Variants in SIK3 observed in about 807,000 individuals in gnomAD.
SIK3 encodes the protein SIK family kinase 3.
Under a neutral mutation model 144.2 loss-of-function variants are expected in SIK3, and 28 were observed. The ratio of observed to expected loss-of-function variants is 0.19; its 90% CI spans 0.14 to 0.27. The LOEUF (loss-of-function observed/expected upper bound fraction) is 0.27. SIK3 is among the 10% of genes least tolerant of loss of function. The probability of loss-of-function intolerance (pLI) is 1.00; values close to 1 mark genes in which losing one functional copy is unlikely to be tolerated. For missense variants in SIK3, 1,319 were observed against 1,776.0 expected, an observed-to-expected ratio of 0.74 and a Z score of 4.62; for synonymous variants, 686 against 676.3, an observed-to-expected ratio of 1.01 and a Z score of -0.22.
At chr11:116,947,158 T>TCA (rs1491488934) in intron 3 of SIK3, among the ~76,000 whole-genome samples, 1 of 135,486 alleles carries the variant, frequency 7.4e-6, no homozygotes, top group Non-Finnish European at 1.5e-5. Context: ...ATATAATATA[T>TCA]TATATATAAA....
chr11:117,024,317 T>TAA (rs201592688), intron 1 of SIK3, among the ~76,000 whole-genome samples: 1 of 132,122 alleles, frequency 7.6e-6, no homozygotes. Flanking sequence ...ACACAGTCTT[T>TAA]AAAAAAAAAA....
chr11:116,875,624 G>A (rs934745759), intron 9 of SIK3, 173 bp from the exon 10 acceptor site: 28 of 794,000 alleles, frequency 3.5e-5, no homozygotes, highest in Middle Eastern at 3.7e-4. Flanking sequence ...GGATAGCATC[G>A]CCTCATGATT....
chr11:116,948,894 A>C (rs1365808546), intron 3 of SIK3, among the ~76,000 whole-genome samples: 1 of 152,148 alleles, frequency 6.6e-6, no homozygotes, highest in East Asian at 1.9e-4. Flanking sequence ...GAAATTATGA[A>C]ATAGAGGATA....
intron 6 of SIK3, among the ~76,000 whole-genome samples, chr11:116,885,717 T>C (rs184561138): frequency 6.6e-6 from 1 of 152,258 alleles, no homozygotes; most frequent in Non-Finnish European, 1.5e-5. Context: ...TAACTTACTA[T>C]GTATTTATTG....
At chr11:116,932,775 C>T (rs1947686726) in intron 3 of SIK3, among the ~76,000 whole-genome samples, 1 of 152,088 alleles carries the variant, frequency 6.6e-6, no homozygotes, top group Non-Finnish European at 1.5e-5. Flanking sequence ...CAGTCGGCGA[C>T]CTTTTGAGAT....
chr11:116,915,367 A>G (rs1946578889), intron 4 of SIK3, among the ~76,000 whole-genome samples: 1 of 152,208 alleles, frequency 6.6e-6, no homozygotes, highest in Admixed American at 6.5e-5. Context: ...AATACTTTTC[A>G]TGACCTAGGA....
chr11:116,914,248 G>A (rs1388957644), intron 4 of SIK3, among the ~76,000 whole-genome samples: 4 of 137,316 alleles, frequency 2.9e-5, no homozygotes, highest in African/African-American at 8.3e-5. Flanking sequence ...TCACTCTGTC[G>A]CCCAGGCTAG....
intron 1 of SIK3, among the ~76,000 whole-genome samples, chr11:116,983,956 C>G (rs2135526644): frequency 6.8e-6 from 1 of 147,382 alleles, no homozygotes; most frequent in South Asian, 2.1e-4. Context: ...GTGGCTGAGG[C>G]AGGAGGAGCA....
chr11:117,001,680 T>C (rs1326365316), intron 1 of SIK3, among the ~76,000 whole-genome samples: 1 of 152,022 alleles, frequency 6.6e-6, no homozygotes, highest in East Asian at 1.9e-4. Context: ...AGACCCTGCC[T>C]CCAGGCCTCA....
chr11:116,883,535 C>T (rs1161542311), intron 6 of SIK3, among the ~76,000 whole-genome samples: 4 of 152,162 alleles, frequency 2.6e-5, no homozygotes, highest in African/African-American at 7.2e-5. Flanking sequence ...TTTATTAATA[C>T]GCTCAAGAAA....
intron 1 of SIK3, among the ~76,000 whole-genome samples, chr11:117,066,073 CTTT>C (rs5795060): frequency 7.1e-6 from 1 of 140,600 alleles, no homozygotes. Context: ...TTCTTTTCTT[CTTT>C]TTTTTTTTTT....
chr11:117,036,744 G>T (rs572128657), intron 1 of SIK3, among the ~76,000 whole-genome samples: 1 of 152,066 alleles, frequency 6.6e-6, no homozygotes, highest in East Asian at 1.9e-4. Flanking sequence ...GGCAAAATAC[G>T]GTTTCCAATG....
At chr11:116,861,991 C>T (rs1943359875) in intron 17 of SIK3, 65 bp from the exon 18 acceptor site, 6 of 1,343,274 alleles carry the variant, frequency 4.5e-6, no homozygotes, top group South Asian at 3.7e-5. Flanking sequence ...GAGCTATTCT[C>T]AGGAAGGGAA....
intron 1 of SIK3, among the ~76,000 whole-genome samples, chr11:117,019,584 T>A (rs1951680555): frequency 6.6e-6 from 1 of 151,894 alleles, no homozygotes; most frequent in Admixed American, 6.6e-5. Flanking sequence ...AATCTCCTCA[T>A]CTCCTGCCAA....
intron 3 of SIK3, among the ~76,000 whole-genome samples, chr11:116,932,875 C>A (rs1054572979): frequency 6.6e-6 from 1 of 152,106 alleles, no homozygotes. Context: ...CGGCTCACTG[C>A]AGCCTTGACC....
Position 116,897,268 on chromosome 11 carries a change from C to T in SIK3, c.666G>A (p.Trp222Ter), listed in dbSNP as rs1945460453. 6.2e-7 allele frequency: 1 copy of T among 1,613,918 alleles called. No individual in the cohort carries two copies. Among genetic ancestry groups the T allele is most frequent in the African/African-American group, 1.3e-5 (1 of 74,914 alleles). Residue 222 changes from tryptophan (W) to a stop codon, truncating the protein, a stop_gained, in exon 5 of 25, where the codon TGG becomes TGA. Coordinates refer to ENST00000445177, the MANE Select transcript of SIK3 (RefSeq NM_001366686.3). LOFTEE classifies it high-confidence loss of function. ...GTGCAGCATAGGGAGGGCTGCCACA[C>T]CAGGTCTTCAGCAGCTGCCCAGGAG... The part of the protein sequence containing the change: ...LFTPGQLLKT[W>*]CGSPPYAAPE...
intron 2 of SIK3, among the ~76,000 whole-genome samples, chr11:116,956,271 T>A (rs1949134838): frequency 6.6e-6 from 1 of 152,076 alleles, no homozygotes; most frequent in East Asian, 1.9e-4. Flanking sequence ...ATTTACTGCT[T>A]TTGTAGTTAT....
intron 1 of SIK3, among the ~76,000 whole-genome samples, chr11:117,048,322 A>G (rs955988628): frequency 1.3e-5 from 2 of 152,220 alleles, no homozygotes; most frequent in Admixed American, 6.5e-5. Flanking sequence ...ACCTTTAAAA[A>G]GTTAATGAAA....
intron 1 of SIK3, among the ~76,000 whole-genome samples, chr11:117,076,572 G>T (rs549224306): frequency 6.6e-6 from 1 of 151,786 alleles, no homozygotes; most frequent in South Asian, 2.1e-4. Flanking sequence ...TGTCACCCAG[G>T]CTGCAGTGCA....
Sources: gnomAD v4.1 joint callset for allele counts (sites outside exome capture counted in the v4.1 genomes callset) on GRCh38, gnomAD v4.1.1 for gene constraint, MANE v1.5 for transcripts, NCBI Gene and HGNC (gene_info 2026-07-23, HGNC 2026-07-21) for gene names.